Variants in ZNF611 observed in about 807,000 individuals in gnomAD.
The protein encoded by ZNF611 is zinc finger protein 611.
A neutral mutation model predicts 8.9 loss-of-function variants in ZNF611; 6 were observed. The ratio of observed to expected loss-of-function variants is 0.68; its 90% CI spans 0.37 to 1.34. The LOEUF (loss-of-function observed/expected upper bound fraction) is 1.34. Ranked by LOEUF, ZNF611 falls within the 40% of genes most tolerant of loss-of-function variation. The probability of loss-of-function intolerance (pLI) is 0.02; values close to 1 mark genes in which losing one functional copy is unlikely to be tolerated. For missense variants in ZNF611, 874 were observed against 841.3 expected, an observed-to-expected ratio of 1.04 and a Z score of -0.48; for synonymous variants, 262 against 279.7, an observed-to-expected ratio of 0.94 and a Z score of 0.63.
chr19:52,725,884 CG>C lies in ZNF611; in HGVS notation c.-20+2845del, dbSNP rs373724645. Among the ~76,000 whole-genome samples, 1,064 of 151,856 alleles carry C rather than the reference CG, an allele frequency of 7.0e-3. 11 individuals carry two copies. Among genetic ancestry groups the C allele is most frequent in the African/African-American group, 0.023 (958 of 41,490 alleles). On this transcript the variant is annotated intron_variant, in intron 3 of 5. Transcript: ENST00000652185. The stretch of plus-strand genomic sequence containing the variant: ...CTTGCCCTTTAGAACAGGCAAAGGG[CG>C]GGGCCGGGACCGGACCTGTGCATCT...
chr19:52,707,672 C>CA (rs1022702262), intron 5 of ZNF611: 1 of 151,592 alleles, frequency 6.6e-6, no homozygotes, highest in Non-Finnish European at 1.5e-5. Context: ...TGGAGTCTTG[C>CA]ACTCCAGCTT....
At chr19:52,721,487 C>T (rs1039849612) in intron 3 of ZNF611, among the ~76,000 whole-genome samples, 20 of 152,176 alleles carry the variant, frequency 1.3e-4, no homozygotes, top group African/African-American at 3.6e-4. Flanking sequence ...GAGACCAGCC[C>T]GGCCAACATG....
chr19:52,723,575 C>A (rs1161541408), intron 3 of ZNF611: 1 of 152,118 alleles, frequency 6.6e-6, no homozygotes, highest in African/African-American at 2.4e-5. Context: ...GGGGGCCAGC[C>A]CCTCCACACC....
intron 4 of ZNF611, 24 bp from the exon 5 acceptor site, chr19:52,714,165 C>T: frequency 1.2e-6 from 2 of 1,610,670 alleles, no homozygotes; most frequent in Non-Finnish European, 1.7e-6. Flanking sequence ...CACATTTCAA[C>T]AAAACATTAT....
In ZNF611 at chr19:52,717,741, G is replaced by C. The variant is rs1032809899; in HGVS notation, c.-19-1828C>G. On this transcript the variant is annotated intron_variant, in intron 3 of 5. Transcript: ENST00000652185. Reference sequence around the variant, plus strand: ...GGGAATTGAGGGAGACACTTACTTAGAAGCTCACAGATCACCATTTTTTCA... The same window carrying C: ...GGGAATTGAGGGAGACACTTACTTACAAGCTCACAGATCACCATTTTTTCA... 3 of 957,998 alleles carry C rather than the reference G, an allele frequency of 3.1e-6. No homozygotes were observed. The African/African-American group carries it at 5.3e-5, about 17-fold the overall frequency. 59.3% of individuals were successfully genotyped at this position (957,998 alleles called of 1,614,324 possible).
rs2062232468 is a variant in ZNF611 at position 52,705,266 on chromosome 19, T to A, written c.1789A>T (p.Asn597Tyr). ...VHSGEKPYKC[N>Y]ECSKTFSRRS... is the part of the protein sequence containing the mutation. ...CGACTGAAGGTCTTGCTGCACTCAT[T>A]ACACTTGTAAGGTTTCTCACCACTA... The change falls in exon 6 of 6, where the codon AAT (asparagine) becomes TAT (tyrosine). Residue 597 changes from asparagine to tyrosine, a missense_variant. Physicochemically the swap from Asn to Tyr is moderately radical, Grantham distance 143. Transcript: ENST00000652185. 6.2e-7 allele frequency: 1 copy of A among 1,614,150 alleles called. No individual in the cohort carries two copies. The highest frequency in any genetic ancestry group is 1.7e-5 in the Admixed American group (1 of 60,018).
intron 5 of ZNF611, among the ~76,000 whole-genome samples, chr19:52,713,787 A>G (rs1282253441): frequency 2.6e-5 from 4 of 152,138 alleles, no homozygotes; most frequent in Admixed American, 2.0e-4. Context: ...GCTACTCAGG[A>G]GGCTGAGGCA....
At chr19:52,721,679 A>AGGGAGAGAGGGAGGGAG (rs1568606821) in intron 3 of ZNF611, among the ~76,000 whole-genome samples, 3,078 of 150,464 alleles carry the variant, frequency 0.02, 124 homozygotes, top group African/African-American at 0.07. Context: ...TGAGAGGGGA[A>AGGGAGAGAGGGAGGGAG]AGGGAGAGAG....
rs1183639626 is a variant in ZNF611 at position 52,705,297 on chromosome 19, T to C, written c.1758A>G (p.Arg586=). 5.0e-6 allele frequency: 8 copies of C among 1,614,014 alleles called. No homozygotes were observed. Among genetic ancestry groups the C allele is most frequent in the Non-Finnish European group, 2.5e-6 (3 of 1,180,036 alleles). The part of the protein sequence containing the change: ...SHRSYLVCHH[R]VHSGEKPYKC... Reference sequence around the variant, plus strand: ...TGTAAGGTTTCTCACCACTATGAACTCTATGATGGCATACAAGGTATGACC... The same window carrying C: ...TGTAAGGTTTCTCACCACTATGAACCCTATGATGGCATACAAGGTATGACC... Residue 586 remains arginine (R), a synonymous_variant, in exon 6 of 6, where the codon AGA becomes AGG. Coordinates refer to ENST00000652185, the MANE Select transcript of ZNF611 (RefSeq NM_001161499.2).
chr19:52,719,590 T>A (rs1421747961), intron 3 of ZNF611, among the ~76,000 whole-genome samples: 2 of 152,162 alleles, frequency 1.3e-5, no homozygotes, highest in East Asian at 1.9e-4. Context: ...CATCATCACA[T>A]CCAATCAACT....
intron 1 of ZNF611, among the ~76,000 whole-genome samples, chr19:52,734,579 C>T (rs2062446194): frequency 6.8e-6 from 1 of 146,002 alleles, no homozygotes; most frequent in Non-Finnish European, 1.5e-5. Flanking sequence ...AGGATGGGGT[C>T]TGCAGGATCC....
At chr19:52,707,641 T>C (rs1012224759) in intron 5 of ZNF611, 3 of 152,024 alleles carry the variant, frequency 2.0e-5, no homozygotes, top group Non-Finnish European at 2.9e-5. Flanking sequence ...AAAAATTTTT[T>C]GTATTTTTAT....
intron 3 of ZNF611, chr19:52,724,808 CCTCA>C (rs1377208608): frequency 6.5e-6 from 1 of 152,722 alleles, no homozygotes; most frequent in Non-Finnish European, 1.5e-5. Flanking sequence ...TCCTCCTCTC[CCTCA>C]CTCTGGTGAG....
intron 1 of ZNF611, among the ~76,000 whole-genome samples, chr19:52,731,265 T>C (rs1191793536): frequency 1.3e-5 from 2 of 152,056 alleles, no homozygotes; most frequent in African/African-American, 4.8e-5. Context: ...CAGGGTTTCA[T>C]CATGTAGGCC....
At position 52,706,459 on chromosome 19, in the gene ZNF611, C is replaced by T. The variant is rs146337681; in HGVS notation, c.596G>A (p.Arg199Lys). 4.5e-5 allele frequency: 73 copies of T among 1,613,968 alleles called. No individual in the cohort carries two copies. Among genetic ancestry groups the T allele is most frequent in the Middle Eastern group, 1.6e-4 (1 of 6,084 alleles). The stretch of plus-strand genomic sequence containing the variant: ...GTTATTAGAAATCTGGGTTTGGGGC[C>T]TACAGGAAATTCTTTGGAATGTTGA... ...SVSTFQRISCRPQTQISNNYG... is the reference protein window; with the variant it reads ...SVSTFQRISCKPQTQISNNYG... Residue 199 changes from arginine (R) to lysine (K), a missense_variant, in exon 6 of 6, where the codon AGG becomes AAG. Arg to Lys is a conservative substitution (Grantham distance 26). Transcript: ENST00000652185.
At chr19:52,710,467 T>C (rs1324960101) in intron 5 of ZNF611, among the ~76,000 whole-genome samples, 1 of 152,140 alleles carries the variant, frequency 6.6e-6, no homozygotes, top group African/African-American at 2.4e-5. Flanking sequence ...TGACCTCAAG[T>C]GATCCACCCG....
intron 5 of ZNF611, among the ~76,000 whole-genome samples, chr19:52,711,490 G>C (rs1458580088): frequency 6.6e-6 from 1 of 152,202 alleles, no homozygotes; most frequent in African/African-American, 2.4e-5. Flanking sequence ...TCCTGGGCAT[G>C]AAGGATCCCA....
At chr19:52,709,502 A>T (rs1225737274) in intron 5 of ZNF611, among the ~76,000 whole-genome samples, 1 of 151,998 alleles carries the variant, frequency 6.6e-6, no homozygotes, top group Non-Finnish European at 1.5e-5. Flanking sequence ...CAATCTTTTG[A>T]CCTCATGATC....
chr19:52,706,871 A>T lies in ZNF611; in HGVS notation c.191-7T>A, dbSNP rs1453895740. The T allele has an allele frequency of 2.5e-6, 4 of 1,606,426 alleles. No individual in the cohort carries two copies. The highest frequency in any genetic ancestry group is 3.4e-6 in the Non-Finnish European group (4 of 1,177,232). Reference sequence around the variant, plus strand: ...ATGCATTTGGAAGAGATATCTACAAAATATAAACACCAATACATTTCCAAT... The same window carrying T: ...ATGCATTTGGAAGAGATATCTACAATATATAAACACCAATACATTTCCAAT... On this transcript the variant is annotated splice_polypyrimidine_tract_variant and splice_region_variant and intron_variant, in intron 5 of 5. Coordinates refer to ENST00000652185, the MANE Select transcript of ZNF611 (RefSeq NM_001161499.2).
Sources: gnomAD v4.1 joint callset for allele counts (sites outside exome capture counted in the v4.1 genomes callset) on GRCh38, gnomAD v4.1.1 for gene constraint, MANE v1.5 for transcripts, NCBI Gene and HGNC (gene_info 2026-07-23, HGNC 2026-07-21) for gene names.